The following PAX5 variants were observed in gnomAD, a reference collection of about 807,000 sequenced individuals.
The protein encoded by PAX5 is paired box 5.
PAX5 carries 9 observed loss-of-function variants against 43.7 expected under a neutral mutation model. That is an observed-to-expected ratio of 0.21 (90% CI 0.12 to 0.36). PAX5 has a LOEUF of 0.36. Ranked by LOEUF, PAX5 falls within the 10% of genes least tolerant of loss-of-function variation. PAX5 has a pLI of 1.00. For missense variants in PAX5, 383 were observed against 532.7 expected, an observed-to-expected ratio of 0.72 and a Z score of 2.77; for synonymous variants, 228 against 214.3, an observed-to-expected ratio of 1.06 and a Z score of -0.56.
At chr9:37,026,889 G>C (rs1840440106) in intron 1 of PAX5, among the ~76,000 whole-genome samples, 2 of 152,216 alleles carry the variant, frequency 1.3e-5, no homozygotes, top group African/African-American at 4.8e-5. Flanking sequence ...GGCGCCCGCG[G>C]CTTCGGGGGC....
At chr9:36,896,800 CT>C (rs1827908196) in intron 7 of PAX5, among the ~76,000 whole-genome samples, 1 of 152,184 alleles carries the variant, frequency 6.6e-6, no homozygotes, top group Admixed American at 6.5e-5. Context: ...AGTGAAAGTG[CT>C]TTGTACAGTG....
At chr9:36,887,360 A>C (rs1453683785) in intron 7 of PAX5, among the ~76,000 whole-genome samples, 1 of 152,246 alleles carries the variant, frequency 6.6e-6, no homozygotes, top group African/African-American at 2.4e-5. Context: ...GAAATCTAGC[A>C]TACGATGAAG....
intron 3 of PAX5, among the ~76,000 whole-genome samples, chr9:37,013,423 T>G (rs1236016165): frequency 6.6e-6 from 1 of 152,140 alleles, no homozygotes; most frequent in Admixed American, 6.5e-5. Flanking sequence ...CAATTATATG[T>G]GTACTCTACG....
At chr9:36,974,456 T>C (rs1208591111) in intron 5 of PAX5, among the ~76,000 whole-genome samples, 1 of 152,188 alleles carries the variant, frequency 6.6e-6, no homozygotes, top group East Asian at 1.9e-4. Context: ...AAGTATGTAT[T>C]CTTATTCCAC....
chr9:37,006,730 C>T (rs1436649052), intron 3 of PAX5, among the ~76,000 whole-genome samples, 193 bp from the exon 4 acceptor site: 1 of 152,162 alleles, frequency 6.6e-6, no homozygotes, highest in East Asian at 1.9e-4. Flanking sequence ...ATGGACTAGT[C>T]CCAACTTTGC....
chr9:36,840,607 G>C lies in PAX5; in HGVS notation c.1129C>G (p.Arg377Gly), dbSNP rs377685637. 1.3e-6 allele frequency: 2 copies of C among 1,579,222 alleles called. No homozygotes were observed. The highest frequency in any genetic ancestry group is 1.7e-6 in the Non-Finnish European group (2 of 1,163,446). ...GSPYYYSAAA[R>G]GAAPPAAATA... ...GCGGCTGCAGGTGGGGCGGCTCCTC[G>C]GGCGGCAGCGCTATAATAGTAGGGG... The change falls in exon 10 of 10, where the codon CGA (arginine) becomes GGA (glycine). Residue 377 changes from arginine to glycine, a missense_variant. Around this residue, in one of 5 missense-constraint regions of PAX5, gnomAD observed 291 missense variants for 342.5 expected, o/e 0.85. Transcript: ENST00000358127.
At chr9:36,963,743 T>C (rs924123923) in intron 6 of PAX5, among the ~76,000 whole-genome samples, 2 of 152,186 alleles carry the variant, frequency 1.3e-5, no homozygotes, top group Non-Finnish European at 2.9e-5. Context: ...ATGACGGTCA[T>C]GTGAAACACA....
chr9:37,017,963 G>A (rs1839533030), intron 2 of PAX5, among the ~76,000 whole-genome samples: 2 of 152,188 alleles, frequency 1.3e-5, no homozygotes, highest in South Asian at 2.1e-4. Context: ...AAAGACCAAC[G>A]GCAGCCACCA....
rs1236016595 is a variant in PAX5, at chr9:36,932,869, A to G, written c.781-9385T>C. 2.0e-5 allele frequency among the ~76,000 whole-genome samples: 3 copies of G among 152,088 alleles called. No individual in the cohort carries two copies. In the East Asian group the frequency reaches 5.8e-4, roughly 29 times the overall value. On this transcript the variant is annotated intron_variant, in intron 6 of 9. Coordinates refer to ENST00000358127, the MANE Select transcript of PAX5 (RefSeq NM_016734.3). ...CAAGTCTACTTTGAAAGTCTCCGTA[A>G]TTATGGCTGGGCACGGTAGCTCACA...
chr9:37,014,596 G>A (rs1839231243), intron 3 of PAX5, among the ~76,000 whole-genome samples: 1 of 152,212 alleles, frequency 6.6e-6, no homozygotes, highest in Admixed American at 6.5e-5. Context: ...TTTCTTCCTG[G>A]GAATCTTTGA....
At chr9:36,855,242 G>C (rs1823550519) in intron 8 of PAX5, among the ~76,000 whole-genome samples, 2 of 152,212 alleles carry the variant, frequency 1.3e-5, no homozygotes, top group African/African-American at 4.8e-5. Context: ...CAATTGATCG[G>C]CTCCTGGTGT....
chr9:37,007,226 T>C (rs1176351268), intron 3 of PAX5, among the ~76,000 whole-genome samples: 1 of 152,238 alleles, frequency 6.6e-6, no homozygotes, highest in Non-Finnish European at 1.5e-5. Flanking sequence ...TCAGAGACCT[T>C]GCTCACACTC....
intron 4 of PAX5, among the ~76,000 whole-genome samples, chr9:37,005,874 T>G (rs889804643): frequency 4.6e-5 from 7 of 152,172 alleles, no homozygotes; most frequent in African/African-American, 1.7e-4. Context: ...ATTTCTGAAC[T>G]CTTGAGCACT....
At chr9:37,018,707 A>G (rs1839602638) in intron 2 of PAX5, among the ~76,000 whole-genome samples, 1 of 151,976 alleles carries the variant, frequency 6.6e-6, no homozygotes, top group Non-Finnish European at 1.5e-5. Context: ...GTTCTTAGTT[A>G]TGAAAATAAT....
intron 7 of PAX5, among the ~76,000 whole-genome samples, chr9:36,884,004 A>G (rs1256139802): frequency 6.6e-6 from 1 of 152,170 alleles, no homozygotes; most frequent in Non-Finnish European, 1.5e-5. Context: ...TTAAAAAAAA[A>G]TAAGTGCCTC....
intron 6 of PAX5, among the ~76,000 whole-genome samples, chr9:36,952,687 T>A (rs1833112761): frequency 6.6e-6 from 1 of 152,208 alleles, no homozygotes; most frequent in Admixed American, 6.5e-5. Flanking sequence ...AATATACGTT[T>A]ATATCTAATC....
intron 6 of PAX5, chr9:36,930,814 T>C: frequency 7.7e-7 from 1 of 1,297,740 alleles, no homozygotes; most frequent in Non-Finnish European, 1.0e-6. Flanking sequence ...TCAGGAATTC[T>C]AGCAAGGGAC....
chr9:36,913,982 C>T (rs551037826), intron 7 of PAX5, among the ~76,000 whole-genome samples: 1 of 152,206 alleles, frequency 6.6e-6, no homozygotes, highest in African/African-American at 2.4e-5. Flanking sequence ...CCCCCACCCC[C>T]CAACAGCTCC....
At position 36,838,805 on chromosome 9, in the gene PAX5, C is replaced by A. The variant is rs771892444; in HGVS notation, c.*1755G>T. On this transcript the variant is annotated 3_prime_UTR_variant, in exon 10 of 10. Coordinates refer to ENST00000358127, the MANE Select transcript of PAX5 (RefSeq NM_016734.3). ...AGCTGTGGGGTGGCCCTACAGATGA[C>A]CCTGCTGCACCAAGGCAGCCAAGGC... 9 of 233,200 alleles carry A rather than the reference C, an allele frequency of 3.9e-5. No individual in the cohort carries two copies. Among genetic ancestry groups the A allele is most frequent in the South Asian group, 1.8e-4 (1 of 5,524 alleles). 14.4% of individuals were successfully genotyped at this position (233,200 alleles called of 1,614,324 possible).
Sources: allele counts gnomAD v4.1 joint callset (sites outside exome capture counted in the v4.1 genomes callset), GRCh38; gene constraint gnomAD v4.1.1; regional missense constraint gnomAD v4.1.1; transcripts MANE v1.5; gene names NCBI Gene and HGNC (gene_info 2026-07-23, HGNC 2026-07-21).